Variants in ANKS1B observed in about 807,000 individuals in gnomAD.
ANKS1B encodes the protein ankyrin repeat and sterile alpha motif domain-containing protein 1B.
ANKS1B carries 36 observed loss-of-function variants against 148.3 expected under a neutral mutation model. The observed-to-expected ratio is 0.24, with a 90% CI of 0.19 to 0.32. The LOEUF is 0.32. ANKS1B is among the 10% of genes least tolerant of loss of function. The probability of loss-of-function intolerance (pLI) is 1.00; values close to 1 mark genes in which losing one functional copy is unlikely to be tolerated. For missense variants in ANKS1B, 1,157 were observed against 1,542.6 expected, an observed-to-expected ratio of 0.75 and a Z score of 4.19; for synonymous variants, 542 against 560.8, an observed-to-expected ratio of 0.97 and a Z score of 0.47.
chr12:99,207,118 GA>G (rs2082768441), intron 14 of ANKS1B, among the ~76,000 whole-genome samples: 1 of 152,162 alleles, frequency 6.6e-6, no homozygotes, highest in Admixed American at 6.6e-5. Context: ...AGAATATTCA[GA>G]AAACCCTGTC....
intron 17 of ANKS1B, among the ~76,000 whole-genome samples, chr12:98,994,007 A>G (rs1188710547): frequency 1.3e-5 from 2 of 152,220 alleles, no homozygotes. Context: ...ATTAACTATC[A>G]CATTGTAATT....
At chr12:99,143,721 T>A (rs868690096) in intron 15 of ANKS1B, among the ~76,000 whole-genome samples, 1 of 152,120 alleles carries the variant, frequency 6.6e-6, no homozygotes, top group African/African-American at 2.4e-5. Flanking sequence ...TACAACCCTG[T>A]GTATGGTGAG....
At chr12:99,283,473 C>A (rs561187657) in intron 12 of ANKS1B, among the ~76,000 whole-genome samples, 14 of 152,216 alleles carry the variant, frequency 9.2e-5, no homozygotes, top group Non-Finnish European at 2.1e-4. Context: ...TGTGAGGAGT[C>A]AGGTTTAAAG....
intron 12 of ANKS1B, among the ~76,000 whole-genome samples, chr12:99,269,311 T>C (rs1049595811): frequency 2.0e-5 from 3 of 152,252 alleles, no homozygotes; most frequent in African/African-American, 7.2e-5. Context: ...GAAAATTATC[T>C]ATGGTTTACA....
intron 9 of ANKS1B, among the ~76,000 whole-genome samples, chr12:99,640,966 T>C (rs2098297383): frequency 6.6e-6 from 1 of 152,226 alleles, no homozygotes; most frequent in Admixed American, 6.5e-5. Flanking sequence ...AATGTTTAAG[T>C]ATATAAAGCA....
In ANKS1B at chr12:99,244,345, T is replaced by C; in HGVS notation, c.2416A>G (p.Thr806Ala). 1 of 1,603,434 alleles carries C rather than the reference T, an allele frequency of 6.2e-7. No homozygotes were observed. The part of the protein sequence containing the change: ...NELKEMNGET[T>A]RPRCPVQTVG... Reference sequence around the variant, plus strand: ...ATGTAGAGGAAGGTTGCCTTACTTGTGGTCTCACCATTCATCTCTTTAAGT... The same window carrying C: ...ATGTAGAGGAAGGTTGCCTTACTTGCGGTCTCACCATTCATCTCTTTAAGT... Residue 806 changes from threonine to alanine, a missense_variant, in exon 14 of 27, where the codon ACA (threonine) becomes GCA (alanine). Around this residue, in one of 6 missense-constraint regions of ANKS1B, gnomAD observed 661 missense variants for 642.1 expected, o/e 1.03. Transcript: ENST00000683438.
intron 15 of ANKS1B, among the ~76,000 whole-genome samples, chr12:99,121,318 G>GGGGTGTGTGTGTGTGTGTGTGT (rs796549235): frequency 0.035 from 3,752 of 105,774 alleles, 162 homozygotes; most frequent in East Asian, 0.074. Flanking sequence ...TGTGTATGTA[G>GGGGTGTGTGTGTGTGTGTGTGT]GTATGTGTGT....
intron 17 of ANKS1B, among the ~76,000 whole-genome samples, chr12:98,886,930 A>C (rs1244145055): frequency 2.6e-5 from 4 of 152,222 alleles, no homozygotes; most frequent in Non-Finnish European, 4.4e-5. Context: ...CAAATGCAGA[A>C]TCCATGGGTC....
chr12:99,189,223 T>C (rs2080302678), intron 14 of ANKS1B, among the ~76,000 whole-genome samples: 1 of 151,964 alleles, frequency 6.6e-6, no homozygotes, highest in South Asian at 2.1e-4. Context: ...CAAAAAAAAG[T>C]CCAGGACCAA....
At chr12:99,721,111 G>A (rs917816908) in intron 8 of ANKS1B, among the ~76,000 whole-genome samples, 1 of 152,054 alleles carries the variant, frequency 6.6e-6, no homozygotes, top group Non-Finnish European at 1.5e-5. Flanking sequence ...AATGACAAAT[G>A]TTTCTTCTAA....
rs540048395 is a variant in ANKS1B at position 99,519,471 on chromosome 12, C to T, written c.1273-14830G>A. 1.2e-4 allele frequency among the ~76,000 whole-genome samples: 19 copies of T among 152,152 alleles called. No homozygotes were observed. The East Asian group carries it at 2.9e-3, about 23-fold the overall frequency. On this transcript the variant is annotated intron_variant, in intron 9 of 26. Transcript: ENST00000683438. The stretch of plus-strand genomic sequence containing the variant: ...AATTGACCCTTTTATCATTATATAA[C>T]GACCTTCTTTGTCTGACTTGTCTTA...
At chr12:99,008,388 A>C (rs974588733) in intron 17 of ANKS1B, among the ~76,000 whole-genome samples, 5 of 152,138 alleles carry the variant, frequency 3.3e-5, no homozygotes, top group African/African-American at 1.2e-4. Flanking sequence ...TGAATGATAA[A>C]AAAGCCTGGC....
At chr12:98,994,746 C>T (rs1038989703) in intron 17 of ANKS1B, among the ~76,000 whole-genome samples, 5 of 152,276 alleles carry the variant, frequency 3.3e-5, no homozygotes, top group South Asian at 2.1e-4. Flanking sequence ...TGTTTTCACA[C>T]GGACTTCCCT....
intron 14 of ANKS1B, among the ~76,000 whole-genome samples, chr12:99,208,514 G>A (rs1488210073): frequency 6.6e-6 from 1 of 152,152 alleles, no homozygotes; most frequent in Admixed American, 6.6e-5. Context: ...TATATGGGGA[G>A]TGTTCCAACA....
chr12:98,919,064 C>T (rs574794746), intron 17 of ANKS1B, among the ~76,000 whole-genome samples: 63 of 152,060 alleles, frequency 4.1e-4, no homozygotes, highest in African/African-American at 1.4e-3. Flanking sequence ...TGATATTTTC[C>T]TTTGTAATTT....
At chr12:99,888,583 T>C (rs2092940861) in intron 1 of ANKS1B, among the ~76,000 whole-genome samples, 1 of 152,168 alleles carries the variant, frequency 6.6e-6, no homozygotes, top group African/African-American at 2.4e-5. Flanking sequence ...CTGCACTGCA[T>C]AGAAATATGT....
chr12:98,952,208 T>A (rs2099855098), intron 17 of ANKS1B, among the ~76,000 whole-genome samples: 1 of 152,170 alleles, frequency 6.6e-6, no homozygotes, highest in Non-Finnish European at 1.5e-5. Flanking sequence ...GTGAGACTTG[T>A]AGTAGTGTAG....
chr12:99,699,396 C>T lies in ANKS1B; in HGVS notation c.1129-44186G>A, dbSNP rs966304520. ...TTTGCTCAGCTCTATCTCTTCAGTGCTGACTTTCTTAAGCTATAAAATCCT... is the reference window on the plus strand; with the variant it reads ...TTTGCTCAGCTCTATCTCTTCAGTGTTGACTTTCTTAAGCTATAAAATCCT... On this transcript the variant is annotated intron_variant, in intron 8 of 26. Coordinates refer to ENST00000683438, the MANE Select transcript of ANKS1B (RefSeq NM_001352186.2). 4.6e-5 allele frequency among the ~76,000 whole-genome samples: 7 copies of T among 152,270 alleles called. No homozygotes were observed. The East Asian group carries it at 9.7e-4, about 21-fold the overall frequency.
At chr12:99,555,472 G>T (rs1338437434) in intron 9 of ANKS1B, among the ~76,000 whole-genome samples, 1 of 152,038 alleles carries the variant, frequency 6.6e-6, no homozygotes, top group Non-Finnish European at 1.5e-5. Flanking sequence ...CTTCCAGTAC[G>T]ATATTGAATA....
Sources: gnomAD v4.1 joint callset for allele counts (sites outside exome capture counted in the v4.1 genomes callset) on GRCh38, gnomAD v4.1.1 for gene constraint, gnomAD v4.1.1 regional missense constraint, MANE v1.5 for transcripts, NCBI Gene and HGNC (gene_info 2026-07-23, HGNC 2026-07-21) for gene names.